FANCM: variants seen among roughly 807,000 people sequenced by gnomAD.
FANCM encodes the protein FA complementation group M.
Under a neutral mutation model 199.5 loss-of-function variants are expected in FANCM, and 140 were observed. The observed-to-expected ratio is 0.70, with a 90% CI of 0.61 to 0.81. The LOEUF is 0.81. Ranked by LOEUF, FANCM falls within the 30% of genes least tolerant of loss-of-function variation. The pLI is 0.00. For missense variants in FANCM, 2,410 were observed against 2,421.4 expected, an observed-to-expected ratio of 1.00 and a Z score of 0.10; for synonymous variants, 840 against 836.8, an observed-to-expected ratio of 1.00 and a Z score of -0.07.
chr14:45,163,287 A>G (rs1887734592), intron 9 of FANCM, among the ~76,000 whole-genome samples: 1 of 152,266 alleles, frequency 6.6e-6, no homozygotes, highest in Non-Finnish European at 1.5e-5. Flanking sequence ...CGTTGGCAGT[A>G]GAAACTAATA....
At chr14:45,138,346 T>A (rs779417864) in intron 2 of FANCM, among the ~76,000 whole-genome samples, 5 of 152,182 alleles carry the variant, frequency 3.3e-5, no homozygotes, top group Non-Finnish European at 7.4e-5. Flanking sequence ...ATTTGTATAG[T>A]CATTTCTTTG....
In FANCM at chr14:45,198,868, AATATAAGTT is replaced by A. The variant is rs1161252904; in HGVS notation, c.5948_5956del (p.Ser1983_Ile1985del). The stretch of plus-strand genomic sequence containing the variant: ...ACTCCAGTTTTATTTAAGTATTCCC[AATATAAGTT>A]ATATAACTGCATTAAATATGTGTCA... On this transcript the variant is annotated inframe_deletion, in exon 22 of 23. Transcript: ENST00000267430. 1 of 1,611,552 alleles carries A rather than the reference AATATAAGTT, an allele frequency of 6.2e-7. No homozygotes were observed. Among genetic ancestry groups the A allele is most frequent in the Non-Finnish European group, 8.5e-7 (1 of 1,177,854 alleles).
intron 2 of FANCM, 29 bp downstream of exon 2, chr14:45,137,270 A>G: frequency 1.3e-6 from 2 of 1,586,446 alleles, no homozygotes; most frequent in East Asian, 2.2e-5. Flanking sequence ...GGTATTTTGT[A>G]TTGTAACTGT....
chr14:45,165,878 T>C (rs1224853623), intron 10 of FANCM, among the ~76,000 whole-genome samples: 1 of 152,190 alleles, frequency 6.6e-6, no homozygotes, highest in Non-Finnish European at 1.5e-5. Context: ...GATTCATTAT[T>C]GTATTTAATC....
At chr14:45,184,947 T>TG (rs1889302536) in intron 17 of FANCM, among the ~76,000 whole-genome samples, 1 of 150,906 alleles carries the variant, frequency 6.6e-6, no homozygotes, top group Non-Finnish European at 1.5e-5. Context: ...CCAATTTTTT[T>TG]TTTTTTTTGT....
In FANCM at chr14:45,174,925, C is replaced by T. The variant is rs540332376; in HGVS notation, c.2317-146C>T. The stretch of plus-strand genomic sequence containing the variant: ...AGTGTACTTTATAATTTTGATTTAT[C>T]GGAATAACTTTTAAGGTATAAAAGA... On this transcript the variant is annotated intron_variant, in intron 13 of 22. Transcript: ENST00000267430. 168 of 562,974 alleles carry T rather than the reference C, an allele frequency of 3.0e-4. 1 individual carries two copies. Among genetic ancestry groups the T allele is most frequent in the African/African-American group, 2.8e-3 (145 of 52,676 alleles). 34.9% of individuals were successfully genotyped at this position (562,974 alleles called of 1,614,324 possible).
At chr14:45,161,228 TA>T (rs1458480720) in intron 9 of FANCM, among the ~76,000 whole-genome samples, 1 of 152,232 alleles carries the variant, frequency 6.6e-6, no homozygotes, top group Admixed American at 6.5e-5. Context: ...TATGCCAAAG[TA>T]AAAACTTTTT....
Position 45,189,273 on chromosome 14 carries a change from C to G in FANCM, c.5251C>G (p.Gln1751Glu). The G allele has an allele frequency of 6.2e-7, 1 of 1,613,830 alleles. No individual in the cohort carries two copies. Among genetic ancestry groups the G allele is most frequent in the Admixed American group, 1.7e-5 (1 of 60,026 alleles). ...TTCCGAAGTCTCAGACTTCAAACCT[C>G]AGAATCATAATGAAGTCCAGTCTAC... Reference protein sequence around the residue: ...TISEVSDFKPQNHNEVQSTTP... With the variant: ...TISEVSDFKPENHNEVQSTTP... Residue 1751 changes from glutamine to glutamate, a missense_variant, in exon 20 of 23, where the codon CAG becomes GAG. Coordinates refer to ENST00000267430, the MANE Select transcript of FANCM (RefSeq NM_020937.4).
chr14:45,149,882 CT>C (rs1209465198), intron 4 of FANCM, among the ~76,000 whole-genome samples: 4 of 151,864 alleles, frequency 2.6e-5, no homozygotes, highest in Non-Finnish European at 5.9e-5. Flanking sequence ...TTATTGGCAT[CT>C]AGTATATGGA....
In FANCM at chr14:45,198,636, ATATT is replaced by A. The variant is rs1566792837; in HGVS notation, c.5717-5_5717-2del. The A allele has an allele frequency of 2.5e-6, 4 of 1,600,902 alleles. No homozygotes were observed. The highest frequency in any genetic ancestry group is 3.4e-6 in the Non-Finnish European group (4 of 1,171,010). On this transcript the variant is annotated splice_polypyrimidine_tract_variant and splice_region_variant and intron_variant, in intron 21 of 22. Coordinates refer to ENST00000267430, the MANE Select transcript of FANCM (RefSeq NM_020937.4). ...GAAGTTTGCCTTTCCCTAAATATGA[ATATT>A]TAGGAGACACATCAAGGATGTTTAG...
rs2139171928 is a variant in FANCM, at chr14:45,154,818, A to G, written c.1305A>G (p.Gln435=). 3 of 1,608,002 alleles carry G rather than the reference A, an allele frequency of 1.9e-6. No homozygotes were observed. The highest frequency in any genetic ancestry group is 2.6e-6 in the Non-Finnish European group (3 of 1,176,316). The change falls in exon 7 of 23, where the codon CAA becomes CAG. Residue 435 remains glutamine, a synonymous_variant. Transcript: ENST00000267430. ...CAGCAAATGGTATTTCTGCTATCCA[A>G]CAAGGTCTGGTTTTTCTTTTAAAAT... is the stretch of plus-strand genomic sequence containing the variant. ...STSANGISAI[Q]QGDKNKKFVY... is the part of the protein sequence containing the mutation.
chr14:45,141,894 GTTTC>G (rs1885995173), intron 3 of FANCM, among the ~76,000 whole-genome samples: 1 of 150,958 alleles, frequency 6.6e-6, no homozygotes, highest in African/African-American at 2.5e-5. Flanking sequence ...CAGCCCAGGA[GTTTC>G]TTTAAGTTAG....
Position 45,188,878 on chromosome 14 carries a change from G to A in FANCM, c.4856G>A (p.Ser1619Asn), listed in dbSNP as rs1889576674. Residue 1619 changes from serine (S) to asparagine (N), a missense_variant, in exon 20 of 23, where the codon AGT becomes AAT. Ser to Asn is a conservative substitution (Grantham distance 46). Coordinates refer to ENST00000267430, the MANE Select transcript of FANCM (RefSeq NM_020937.4). Reference protein sequence around the residue: ...DEEESCKGQSSEEEVCVDFNL... With the variant: ...DEEESCKGQSNEEEVCVDFNL... ...GAGGAGTCTTGCAAAGGCCAATCAA[G>A]TGAAGAAGAAGTTTGTGTTGATTTT... is the stretch of plus-strand genomic sequence containing the variant. 5.0e-6 allele frequency: 8 copies of A among 1,613,730 alleles called. No homozygotes were observed. The highest frequency in any genetic ancestry group is 6.8e-6 in the Non-Finnish European group (8 of 1,179,844).
chr14:45,169,216 C>T (rs1206451835), intron 11 of FANCM, among the ~76,000 whole-genome samples: 1 of 151,978 alleles, frequency 6.6e-6, no homozygotes, highest in Non-Finnish European at 1.5e-5. Context: ...GCCACTGTAC[C>T]CAGCCACTCT....
chr14:45,157,518 A>G (rs1376556182), intron 8 of FANCM, among the ~76,000 whole-genome samples: 1 of 152,206 alleles, frequency 6.6e-6, no homozygotes, highest in African/African-American at 2.4e-5. Flanking sequence ...AGTGTGTTAA[A>G]CTAAAAAGTG....
intron 3 of FANCM, among the ~76,000 whole-genome samples, chr14:45,146,824 C>A (rs1178856229): frequency 8.3e-6 from 1 of 121,024 alleles, no homozygotes; most frequent in Non-Finnish European, 1.6e-5. Flanking sequence ...CAGAGCAAGA[C>A]TCTGTCTCAA....
At chr14:45,140,049 C>G (rs990543097) in intron 2 of FANCM, among the ~76,000 whole-genome samples, 1 of 152,052 alleles carries the variant, frequency 6.6e-6, no homozygotes, top group African/African-American at 2.4e-5. Context: ...AAATCTTTCC[C>G]AAAATTTCAA....
chr14:45,148,961 A>G lies in FANCM; in HGVS notation c.884A>G (p.Glu295Gly), dbSNP rs1436017801. The G allele has an allele frequency of 6.2e-7, 1 of 1,613,940 alleles. No homozygotes were observed. Among genetic ancestry groups the G allele is most frequent in the African/African-American group, 1.3e-5 (1 of 75,054 alleles). ...GAAAAGCTTATTGTTCCGCTTGGTG[A>G]AGAACTTGCAGCCATCCAAAAGACC... ...KVEKLIVPLG[E>G]ELAAIQKTYI... The change falls in exon 4 of 23, where the codon GAA becomes GGA. Residue 295 changes from glutamate (E) to glycine (G), a missense_variant. Coordinates refer to ENST00000267430, the MANE Select transcript of FANCM (RefSeq NM_020937.4).
intron 20 of FANCM, among the ~76,000 whole-genome samples, chr14:45,191,201 C>A (rs1889745729): frequency 6.6e-6 from 1 of 151,992 alleles, no homozygotes; most frequent in Non-Finnish European, 1.5e-5. Context: ...GAGTAATTTC[C>A]CAGGGAAAGA....
Sources: allele counts gnomAD v4.1 joint callset (sites outside exome capture counted in the v4.1 genomes callset), GRCh38; gene constraint gnomAD v4.1.1; transcripts MANE v1.5; gene names NCBI Gene and HGNC (gene_info 2026-07-23, HGNC 2026-07-21).